Variants in NKD1 observed in about 807,000 individuals in gnomAD.
NKD1 encodes the protein NKD inhibitor of Wnt signaling pathway 1.
A neutral mutation model predicts 56.0 loss-of-function variants in NKD1; 21 were observed. The ratio of observed to expected loss-of-function variants is 0.38; its 90% CI spans 0.27 to 0.54. The LOEUF is 0.54. NKD1 is among the 20% of genes least tolerant of loss of function. The pLI is 0.82. For synonymous variants in NKD1, 263 were observed against 265.7 expected (o/e 0.99, Z 0.10); for missense variants, 578 against 642.7 (o/e 0.90, Z 1.09).
intron 3 of NKD1, among the ~76,000 whole-genome samples, chr16:50,559,198 A>C (rs1960569734): frequency 6.6e-6 from 1 of 152,198 alleles, no homozygotes; most frequent in Non-Finnish European, 1.5e-5. Flanking sequence ...CAGCAAGTTA[A>C]AGAATAAAGG....
chr16:50,550,565 T>C (rs1232550152), intron 3 of NKD1, among the ~76,000 whole-genome samples: 1 of 152,006 alleles, frequency 6.6e-6, no homozygotes, highest in Non-Finnish European at 1.5e-5. Context: ...TGAAATAACC[T>C]CTGGGCCTAG....
At chr16:50,580,043 G>C (rs1002134818) in intron 3 of NKD1, among the ~76,000 whole-genome samples, 17 of 151,848 alleles carry the variant, frequency 1.1e-4, no homozygotes, top group Non-Finnish European at 4.4e-5. Flanking sequence ...AGCTACACAC[G>C]CACTGTCTTG....
intron 4 of NKD1, among the ~76,000 whole-genome samples, chr16:50,617,286 C>T (rs1233847636): frequency 6.6e-6 from 1 of 152,220 alleles, no homozygotes; most frequent in Non-Finnish European, 1.5e-5. Flanking sequence ...TCTTCCTCCC[C>T]ACCCCTCCCT....
chr16:50,632,952 CT>C lies in NKD1; in HGVS notation c.824-237del, dbSNP rs569911793. On this transcript the variant is annotated intron_variant, in intron 9 of 9. Coordinates refer to ENST00000268459, the MANE Select transcript of NKD1 (RefSeq NM_033119.5). The surrounding 1 kb of genome is among the most constrained non-coding windows in gnomAD (Gnocchi z 4.1). ...TTTCGGGGTCTCTGCTGCCATCTGT[CT>C]TTCTCGGCTCCCTCTCGGAGAGTAT... is the stretch of plus-strand genomic sequence containing the variant. Among the ~76,000 whole-genome samples the C allele has an allele frequency of 6.4e-4, 98 of 152,290 alleles. No individual in the cohort carries two copies. The highest frequency in any genetic ancestry group is 2.3e-3 in the African/African-American group (97 of 41,550).
At chr16:50,605,193 C>A (rs879313632) in intron 3 of NKD1, among the ~76,000 whole-genome samples, 47 of 152,206 alleles carry the variant, frequency 3.1e-4, no homozygotes, top group Admixed American at 3.0e-3. Flanking sequence ...TGTGGGGAGG[C>A]CATTCTCCAG....
In NKD1 at chr16:50,598,120, G is replaced by T. The variant is rs536541748; in HGVS notation, c.193-10174G>T. 6.6e-6 allele frequency among the ~76,000 whole-genome samples: 1 copy of T among 152,250 alleles called. No homozygotes were observed. Among genetic ancestry groups the T allele is most frequent in the Non-Finnish European group, 1.5e-5 (1 of 68,010 alleles). ...TTTTGGGGACAAGGGGACAGAAGGG[G>T]CCAGGAGATGAGAGTGGGAGGCCCA... On this transcript the variant is annotated intron_variant, in intron 3 of 9. Coordinates refer to ENST00000268459, the MANE Select transcript of NKD1 (RefSeq NM_033119.5). The surrounding 1 kb of genome is among the most constrained non-coding windows in gnomAD (Gnocchi z 4.2).
At chr16:50,630,040 C>T in intron 6 of NKD1, 146 bp from the exon 7 acceptor site, 1 of 648,914 alleles carries the variant, frequency 1.5e-6, no homozygotes, top group East Asian at 2.8e-5. Context: ...CCCAAACGAA[C>T]CTCAGACATC....
intron 3 of NKD1, chr16:50,575,148 C>A: frequency 1.0e-6 from 1 of 981,332 alleles, no homozygotes; most frequent in Non-Finnish European, 1.2e-6. Flanking sequence ...TTATTAGATT[C>A]TCTACTGCCC....
At chr16:50,578,748 G>A (rs1387486542) in intron 3 of NKD1, among the ~76,000 whole-genome samples, 17 of 152,026 alleles carry the variant, frequency 1.1e-4, no homozygotes, top group Admixed American at 7.2e-4. Flanking sequence ...TAGTTCTCCT[G>A]GGCAGCTTAG....
intron 3 of NKD1, chr16:50,606,602 C>T (rs998207356): frequency 1.4e-4 from 52 of 365,730 alleles, no homozygotes; most frequent in Middle Eastern, 9.5e-4. Flanking sequence ...GGGTCCCACA[C>T]GGCTGCCTTG....
chr16:50,577,624 A>G (rs142464916), intron 3 of NKD1, among the ~76,000 whole-genome samples: 2 of 152,220 alleles, frequency 1.3e-5, no homozygotes, highest in African/African-American at 4.8e-5. Context: ...TTTATCTTGC[A>G]TAACTGAAAC....
chr16:50,572,033 G>C (rs1438219054), intron 3 of NKD1, among the ~76,000 whole-genome samples: 1 of 152,186 alleles, frequency 6.6e-6, no homozygotes, highest in East Asian at 1.9e-4. Flanking sequence ...TATTCCTGCA[G>C]CTGGAGATGC....
chr16:50,570,287 T>A (rs958591735), intron 3 of NKD1, among the ~76,000 whole-genome samples: 3 of 152,162 alleles, frequency 2.0e-5, no homozygotes, highest in Non-Finnish European at 2.9e-5. Context: ...GGGGATGATG[T>A]TGACCCCAAG....
chr16:50,553,988 T>A (rs1175371636), intron 3 of NKD1: 1 of 152,262 alleles, frequency 6.6e-6, no homozygotes, highest in Non-Finnish European at 1.5e-5. Flanking sequence ...TCCCTCAGGA[T>A]GGGTGGGTGG....
intron 3 of NKD1, among the ~76,000 whole-genome samples, chr16:50,600,121 C>T (rs77701666): frequency 0.014 from 2,155 of 152,034 alleles, 62 homozygotes; most frequent in African/African-American, 0.049. Context: ...CCTGTCTTTC[C>T]GAAAGCATGG....
At chr16:50,607,084 A>G in intron 3 of NKD1, 1 of 455,270 alleles carries the variant, frequency 2.2e-6, no homozygotes, top group Non-Finnish European at 4.4e-6. Flanking sequence ...CCTGGTTTTG[A>G]AGTAAATGGG....
chr16:50,589,585 G>T (rs887988838), intron 3 of NKD1, among the ~76,000 whole-genome samples: 2 of 152,226 alleles, frequency 1.3e-5, no homozygotes, highest in African/African-American at 4.8e-5. Flanking sequence ...CGCCCCGAGG[G>T]TTCATCCCTC....
intron 3 of NKD1, among the ~76,000 whole-genome samples, chr16:50,592,998 C>T (rs547409423): frequency 6.6e-6 from 1 of 152,128 alleles, no homozygotes; most frequent in African/African-American, 2.4e-5. Flanking sequence ...GTATAAGTAC[C>T]TATGTTTATC....
intron 3 of NKD1, chr16:50,574,529 C>T (rs764753856): frequency 4.4e-5 from 43 of 985,282 alleles, no homozygotes; most frequent in Non-Finnish European, 4.9e-5. Flanking sequence ...GGCCCAGGCA[C>T]GGCCGAATGG....
Sources: allele counts gnomAD v4.1 joint callset (sites outside exome capture counted in the v4.1 genomes callset), GRCh38; gene constraint gnomAD v4.1.1; non-coding constraint Gnocchi (gnomAD v3.1); transcripts MANE v1.5; gene names NCBI Gene and HGNC (gene_info 2026-07-23, HGNC 2026-07-21).